GRIN3A: variants seen among roughly 807,000 people sequenced by gnomAD.
GRIN3A encodes the protein glutamate receptor ionotropic, NMDA 3A.
In GRIN3A, 47 loss-of-function variants were observed where a neutral mutation model predicts 92.4. The observed-to-expected ratio is 0.51, with a 90% confidence interval of 0.40 to 0.65. GRIN3A has a LOEUF of 0.65. Ranked by LOEUF, GRIN3A falls within the 30% of genes least tolerant of loss-of-function variation. The pLI is 0.00. For missense variants in GRIN3A, 1,324 were observed against 1,393.1 expected, an observed-to-expected ratio of 0.95 and a Z score of 0.79; for synonymous variants, 527 against 540.6, an observed-to-expected ratio of 0.97 and a Z score of 0.35.
At chr9:101,649,273 C>A (rs1403321957) in intron 3 of GRIN3A, among the ~76,000 whole-genome samples, 1 of 131,144 alleles carries the variant, frequency 7.6e-6, no homozygotes, top group Non-Finnish European at 1.6e-5. Flanking sequence ...GTTTGGGCCT[C>A]CCTGCCTATT....
chr9:101,635,633 A>G (rs1828775234), intron 3 of GRIN3A, among the ~76,000 whole-genome samples: 1 of 152,242 alleles, frequency 6.6e-6, no homozygotes, highest in Non-Finnish European at 1.5e-5. Context: ...TTTAGGCTGT[A>G]GTGTGATGAC....
At chr9:101,648,407 T>C (rs1828967391) in intron 3 of GRIN3A, among the ~76,000 whole-genome samples, 1 of 152,098 alleles carries the variant, frequency 6.6e-6, no homozygotes, top group African/African-American at 2.4e-5. Flanking sequence ...GAATGTTCCA[T>C]GTGCTATTAG....
At chr9:101,722,523 C>T (rs1004264187) in intron 1 of GRIN3A, among the ~76,000 whole-genome samples, 2 of 152,206 alleles carry the variant, frequency 1.3e-5, no homozygotes, top group African/African-American at 4.8e-5. Context: ...AAGCCGCAAA[C>T]ACTCAACGCC....
chr9:101,727,393 A>T (rs749844894), intron 1 of GRIN3A, among the ~76,000 whole-genome samples: 10 of 152,228 alleles, frequency 6.6e-5, no homozygotes, highest in Non-Finnish European at 1.0e-4. Flanking sequence ...ATTAAATCTT[A>T]GAATTATCCA....
intron 3 of GRIN3A, among the ~76,000 whole-genome samples, chr9:101,666,747 A>G (rs912231647): frequency 1.3e-5 from 2 of 152,044 alleles, no homozygotes; most frequent in African/African-American, 4.8e-5. Flanking sequence ...ATCTTCTCAG[A>G]CACTCAGGCC....
At chr9:101,727,628 C>A (rs1360903772) in intron 1 of GRIN3A, among the ~76,000 whole-genome samples, 3 of 151,898 alleles carry the variant, frequency 2.0e-5, no homozygotes, top group Admixed American at 1.3e-4. Flanking sequence ...TAGTTGTTAA[C>A]TGCAATTATA....
At chr9:101,704,296 C>T (rs1031130007) in intron 1 of GRIN3A, among the ~76,000 whole-genome samples, 2 of 152,160 alleles carry the variant, frequency 1.3e-5, no homozygotes, top group Non-Finnish European at 2.9e-5. Flanking sequence ...TCATGTTATA[C>T]AGAGGCCCAA....
intron 2 of GRIN3A, among the ~76,000 whole-genome samples, chr9:101,686,296 A>T (rs1159644271): frequency 6.6e-6 from 1 of 152,184 alleles, no homozygotes; most frequent in Non-Finnish European, 1.5e-5. Context: ...CTAGTTAGAA[A>T]ACTGAGGCTT....
intron 3 of GRIN3A, among the ~76,000 whole-genome samples, chr9:101,653,417 AC>A (rs1338811449): frequency 6.6e-6 from 1 of 151,946 alleles, no homozygotes; most frequent in Non-Finnish European, 1.5e-5. Context: ...TACTTATTGA[AC>A]TATGTTAATT....
chr9:101,678,900 ACC>A (rs909044150), intron 2 of GRIN3A, among the ~76,000 whole-genome samples: 1 of 152,062 alleles, frequency 6.6e-6, no homozygotes, highest in African/African-American at 2.4e-5. Flanking sequence ...TTTATTCCAT[ACC>A]CCTATATCAT....
rs773138491 is a variant in GRIN3A, at chr9:101,737,513, G to A, written c.467C>T (p.Ala156Val). 23 of 1,614,262 alleles carry A rather than the reference G, an allele frequency of 1.4e-5. 1 individual carries two copies. The South Asian group carries it at 2.1e-4, about 15-fold the overall frequency. The change falls in exon 1 of 9, where the codon GCA (alanine) becomes GTA (valine). Residue 156 changes from alanine (A) to valine (V), a missense_variant. Coordinates refer to ENST00000361820, the MANE Select transcript of GRIN3A (RefSeq NM_133445.3). ...LSLEVVMAIE[A>V]GLGDLPLLPF... is the part of the protein sequence containing the mutation. ...CAAAAGTGGCAGATCGCCCAGGCCT[G>A]CCTCGATGGCCATCACTACTTCCAA...
chr9:101,685,797 G>A (rs962048690), intron 2 of GRIN3A, among the ~76,000 whole-genome samples: 3 of 151,562 alleles, frequency 2.0e-5, no homozygotes, highest in Non-Finnish European at 4.4e-5. Flanking sequence ...AATGTATCCT[G>A]TTTGTCTACT....
At chr9:101,617,188 C>A (rs1588250772) in intron 5 of GRIN3A, among the ~76,000 whole-genome samples, 1 of 116,548 alleles carries the variant, frequency 8.6e-6, no homozygotes, top group African/African-American at 3.6e-5. Flanking sequence ...GCATGGGCGA[C>A]AGAGCGAGAC....
chr9:101,723,932 A>T (rs965348685), intron 1 of GRIN3A, among the ~76,000 whole-genome samples: 1 of 152,174 alleles, frequency 6.6e-6, no homozygotes, highest in Non-Finnish European at 1.5e-5. Context: ...CAGAGTGTCC[A>T]TTGGTGCATT....
chr9:101,607,185 A>G (rs1828298395), intron 6 of GRIN3A, among the ~76,000 whole-genome samples: 1 of 151,746 alleles, frequency 6.6e-6, no homozygotes, highest in Non-Finnish European at 1.5e-5. Flanking sequence ...TTTATCTTCC[A>G]GAGAAACTGT....
chr9:101,611,213 C>T (rs1828363611), intron 6 of GRIN3A, among the ~76,000 whole-genome samples: 1 of 152,044 alleles, frequency 6.6e-6, no homozygotes, highest in South Asian at 2.1e-4. Flanking sequence ...CCTCTGGAGG[C>T]TCTGAGGGAC....
chr9:101,726,561 C>T (rs1347010368), intron 1 of GRIN3A, among the ~76,000 whole-genome samples: 1 of 152,086 alleles, frequency 6.6e-6, no homozygotes, highest in Non-Finnish European at 1.5e-5. Flanking sequence ...AACAGAACAT[C>T]CTTTGACATA....
At chr9:101,667,574 C>T (rs1383036476) in intron 3 of GRIN3A, among the ~76,000 whole-genome samples, 1 of 151,864 alleles carries the variant, frequency 6.6e-6, no homozygotes, top group African/African-American at 2.4e-5. Context: ...ACTCATTTAC[C>T]TCTGAATTGC....
At chr9:101,630,313 CA>C (rs1564130641) in intron 3 of GRIN3A, among the ~76,000 whole-genome samples, 3 of 152,128 alleles carry the variant, frequency 2.0e-5, no homozygotes, top group African/African-American at 7.2e-5. Flanking sequence ...CCCTCCTACC[CA>C]AAACAACAAC....
Sources: gnomAD v4.1 joint callset for allele counts (sites outside exome capture counted in the v4.1 genomes callset) on GRCh38, gnomAD v4.1.1 for gene constraint, MANE v1.5 for transcripts, NCBI Gene and HGNC (gene_info 2026-07-23, HGNC 2026-07-21) for gene names.